EP300: variants seen among roughly 807,000 people sequenced by gnomAD.
EP300 encodes the protein EP300 lysine acetyltransferase, also known as histone acetyltransferase p300.
EP300 carries 31 observed loss-of-function variants against 264.0 expected under a neutral mutation model. That is an observed-to-expected ratio of 0.12 (90% CI 0.09 to 0.16). EP300 has a LOEUF of 0.16. Among genes scored for constraint, EP300 ranks in the 10% least tolerant of loss-of-function variants. EP300 has a pLI of 1.00. For synonymous variants in EP300, 1,340 were observed against 1,045.4 expected, an observed-to-expected ratio of 1.28 and a Z score of -5.44; for missense variants, 2,766 against 3,052.9, an observed-to-expected ratio of 0.91 and a Z score of 2.21.
chr22:41,096,157 C>A (rs1014996173), intron 1 of EP300, among the ~76,000 whole-genome samples: 3 of 151,734 alleles, frequency 2.0e-5, no homozygotes. Flanking sequence ...TTCTCCCTCT[C>A]CCTCCAAAAA....
At chr22:41,139,833 T>A (rs111618779) in intron 8 of EP300, among the ~76,000 whole-genome samples, 2,005 of 152,340 alleles carry the variant, frequency 0.013, 24 homozygotes, top group Non-Finnish European at 0.02. Flanking sequence ...TGAAGGCTAC[T>A]TGATACTATG....
chr22:41,178,000 C>G lies in EP300; in HGVS notation c.6289C>G (p.Pro2097Ala), dbSNP rs200189212. The change falls in exon 31 of 31, where the codon CCA becomes GCA. Residue 2097 changes from proline (P) to alanine (A), a missense_variant. By Grantham distance (27) the Pro-to-Ala change is conservative (BLOSUM62 -1). Coordinates refer to ENST00000263253, the MANE Select transcript of EP300 (RefSeq NM_001429.4). ...GGCTGCCAAGTATGCCAACTCTAAT[C>G]CACAACCCATCCCTGGGCAGCCTGG... ...QRAAKYANSNPQPIPGQPGMP... is the reference protein window; with the variant it reads ...QRAAKYANSNAQPIPGQPGMP... 1.3e-4 allele frequency: 202 copies of G among 1,614,102 alleles called. No homozygotes were observed. The highest frequency in any genetic ancestry group is 1.6e-4 in the Non-Finnish European group (186 of 1,180,042).
chr22:41,156,073 G>A (rs764289244), intron 17 of EP300, among the ~76,000 whole-genome samples: 4 of 151,886 alleles, frequency 2.6e-5, no homozygotes, highest in East Asian at 1.9e-4. Context: ...GTGCAATGGC[G>A]CAATCTCAGT....
chr22:41,164,844 C>T (rs1308306408), intron 22 of EP300, among the ~76,000 whole-genome samples: 2 of 152,174 alleles, frequency 1.3e-5, no homozygotes, highest in Non-Finnish European at 2.9e-5. Flanking sequence ...AGGCTGCAGT[C>T]ATAGTGTAAT....
At chr22:41,137,234 G>A (rs959988930) in intron 7 of EP300, among the ~76,000 whole-genome samples, 3 of 151,084 alleles carry the variant, frequency 2.0e-5, no homozygotes, top group African/African-American at 4.9e-5. Flanking sequence ...GCGGGTGCCT[G>A]TAATCCCACC....
intron 1 of EP300, among the ~76,000 whole-genome samples, chr22:41,093,700 A>G (rs1402812159): frequency 6.6e-6 from 1 of 152,156 alleles, no homozygotes; most frequent in African/African-American, 2.4e-5. Flanking sequence ...TTAAGAATCA[A>G]TATGGAGCGC....
chr22:41,175,619 G>A (rs184875208), intron 29 of EP300, among the ~76,000 whole-genome samples: 3 of 152,258 alleles, frequency 2.0e-5, no homozygotes, highest in Non-Finnish European at 2.9e-5. Flanking sequence ...ACCTTCATGA[G>A]TCCAGGCCAG....
intron 1 of EP300, among the ~76,000 whole-genome samples, chr22:41,108,412 C>T (rs2058770496): frequency 6.6e-6 from 1 of 151,946 alleles, no homozygotes; most frequent in Non-Finnish European, 1.5e-5. Context: ...CCATGCCTGG[C>T]TAATTTTCGT....
chr22:41,147,552 A>G (rs1396415695), intron 11 of EP300, among the ~76,000 whole-genome samples: 1 of 152,042 alleles, frequency 6.6e-6, no homozygotes, highest in Non-Finnish European at 1.5e-5. Context: ...CCTGGCTAAC[A>G]CAGTGAAACC....
Position 41,176,399 on chromosome 22 carries a change from C to T in EP300, c.4932C>T (p.Leu1644=). ...ARDKHLEFSS[L]RRAQWSTMCM... ...ACAAGCACCTGGAGTTCTCTTCACTCCGAAGAGCCCAGTGGTCCACCATGT... is the reference window on the plus strand; with the variant it reads ...ACAAGCACCTGGAGTTCTCTTCACTTCGAAGAGCCCAGTGGTCCACCATGT... Residue 1644 remains leucine, a synonymous_variant, in exon 30 of 31, where the codon CTC becomes CTT. Transcript: ENST00000263253. 6.2e-7 allele frequency: 1 copy of T among 1,614,206 alleles called. No homozygotes were observed. Among genetic ancestry groups the T allele is most frequent in the South Asian group, 1.1e-5 (1 of 91,078 alleles).
intron 13 of EP300, among the ~76,000 whole-genome samples, chr22:41,149,378 A>G (rs909386988): frequency 6.6e-6 from 1 of 152,208 alleles, no homozygotes; most frequent in African/African-American, 2.4e-5. Flanking sequence ...CAAAGTAGGA[A>G]ATAATTTAAA....
At chr22:41,164,008 G>A in intron 21 of EP300, 45 bp from the exon 22 acceptor site, 1 of 1,562,698 alleles carries the variant, frequency 6.4e-7, no homozygotes. Flanking sequence ...GTTTTCATTT[G>A]GTTAAGGTTT....
intron 25 of EP300, 24 bp from the exon 26 acceptor site, chr22:41,169,479 T>C (rs370756321): frequency 6.6e-7 from 1 of 1,507,090 alleles, no homozygotes; most frequent in African/African-American, 1.4e-5. Context: ...TTTTTTCCTC[T>C]TCATTTCTCT....
chr22:41,148,000 T>C (rs2059022242), intron 12 of EP300, 54 bp downstream of exon 12: 1 of 1,174,450 alleles, frequency 8.5e-7, no homozygotes, highest in Admixed American at 2.2e-5. Flanking sequence ...ATTTTGAAAA[T>C]CCTGTTTGTT....
chr22:41,154,980 CTTTTT>C lies in EP300; in HGVS notation c.3143-8_3143-4del, dbSNP rs757931697. The C allele has an allele frequency of 5.0e-6, 6 of 1,194,756 alleles. No homozygotes were observed. Among genetic ancestry groups the C allele is most frequent in the African/African-American group, 3.1e-5 (2 of 64,682 alleles). 74.0% of individuals were successfully genotyped at this position (1,194,756 alleles called of 1,614,324 possible). The stretch of plus-strand genomic sequence containing the variant: ...TAATTGGTAACTAATTTCAAATGCA[CTTTTT>C]TTTTTTAAGTTTTCAAACCAGAAGA... On this transcript the variant is annotated splice_polypyrimidine_tract_variant and intron_variant, in intron 16 of 30. Transcript: ENST00000263253.
rs75752076 is a variant in EP300 at position 41,151,940 on chromosome 22, A to G, written c.2925A>G (p.Glu975=). ...TTGCTGAGAAGCAGCCTTCCCAGGA[A>G]GTGAAGATGGAGGCCAAAATGGAAG... ...QAIAEKQPSQ[E]VKMEAKMEVD... The change falls in exon 15 of 31, where the codon GAA becomes GAG. Residue 975 remains glutamate (E), a synonymous_variant. Coordinates refer to ENST00000263253, the MANE Select transcript of EP300 (RefSeq NM_001429.4). 8.9e-5 allele frequency: 144 copies of G among 1,614,170 alleles called. 1 individual carries two copies. The East Asian group carries it at 2.7e-3, about 30-fold the overall frequency.
chr22:41,113,755 C>T (rs548420445), intron 1 of EP300, among the ~76,000 whole-genome samples: 128 of 152,312 alleles, frequency 8.4e-4, no homozygotes, highest in African/African-American at 2.9e-3. Context: ...ACCGTGTTAT[C>T]CAGGATGGTC....
At position 41,163,278 on chromosome 22, in the gene EP300, AC is replaced by A. The variant is rs1341447496; in HGVS notation, c.3728+500del. On this transcript the variant is annotated intron_variant, in intron 21 of 30. Coordinates refer to ENST00000263253, the MANE Select transcript of EP300 (RefSeq NM_001429.4). ...GTGAAACCCCGTCTCTACTAAAAAT[AC>A]AAAAAATTAGCCGGGCGTAGTGGCG... Among the ~76,000 whole-genome samples, 17 of 150,908 alleles carry A rather than the reference AC, an allele frequency of 1.1e-4. No homozygotes were observed. In the Admixed American group the frequency reaches 1.1e-3, roughly 10 times the overall value.
At chr22:41,108,092 A>G (rs1169086804) in intron 1 of EP300, 1 of 152,176 alleles carries the variant, frequency 6.6e-6, no homozygotes, top group Non-Finnish European at 1.5e-5. Flanking sequence ...GGTGATCTAC[A>G]GAATCAGTAT....
Sources: gnomAD v4.1 joint callset for allele counts (sites outside exome capture counted in the v4.1 genomes callset) on GRCh38, gnomAD v4.1.1 for gene constraint, MANE v1.5 for transcripts, NCBI Gene and HGNC (gene_info 2026-07-23, HGNC 2026-07-21) for gene names.